Variants in PUM1 observed in about 807,000 individuals in gnomAD.
PUM1 encodes pumilio RNA binding family member 1, also known as pumilio homolog 1.
Under a neutral mutation model 131.8 loss-of-function variants are expected in PUM1, and 13 were observed. That is an observed-to-expected ratio of 0.10 (90% CI 0.06 to 0.16). The LOEUF (loss-of-function observed/expected upper bound fraction) is 0.16, where lower values mean the gene tolerates loss of function less well. Among genes scored for constraint, PUM1 ranks in the 10% least tolerant of loss-of-function variants. The pLI, the probability that PUM1 is intolerant of heterozygous loss-of-function variation, is 1.00. For synonymous variants in PUM1, 509 were observed against 556.5 expected, an observed-to-expected ratio of 0.91 and a Z score of 1.20; for missense variants, 961 against 1,512.4, an observed-to-expected ratio of 0.64 and a Z score of 6.05.
At chr1:30,949,012 A>C in intron 17 of PUM1, 2 of 445,096 alleles carry the variant, frequency 4.5e-6, no homozygotes, top group Non-Finnish European at 9.1e-6. Flanking sequence ...TTTGAAACTT[A>C]TCACTTTAAA....
chr1:30,992,689 C>A (rs774818778), intron 6 of PUM1, 29 bp from the exon 7 acceptor site: 1 of 1,589,288 alleles, frequency 6.3e-7, no homozygotes, highest in Non-Finnish European at 8.6e-7. Flanking sequence ...GGGCATTAAA[C>A]CTTATTTTCA....
At chr1:30,954,688 C>T (rs757918115) in intron 14 of PUM1, among the ~76,000 whole-genome samples, 28 of 152,288 alleles carry the variant, frequency 1.8e-4, no homozygotes, top group Non-Finnish European at 3.4e-4. Context: ...CTTCATGCCA[C>T]TGATAATGCT....
intron 3 of PUM1, among the ~76,000 whole-genome samples, chr1:31,010,021 T>C (rs1642550975): frequency 6.6e-6 from 1 of 152,096 alleles, no homozygotes; most frequent in African/African-American, 2.4e-5. Flanking sequence ...CGAGGCTATT[T>C]TCAGGGTAAA....
intron 8 of PUM1, among the ~76,000 whole-genome samples, chr1:30,980,705 C>A (rs572159643): frequency 6.6e-6 from 1 of 152,034 alleles, no homozygotes; most frequent in African/African-American, 2.4e-5. Flanking sequence ...CTCAATCATG[C>A]CATTTTGACA....
At chr1:30,946,111 A>C (rs965170190) in intron 17 of PUM1, among the ~76,000 whole-genome samples, 1 of 152,172 alleles carries the variant, frequency 6.6e-6, no homozygotes, top group Non-Finnish European at 1.5e-5. Context: ...AAAAAAATAA[A>C]GGGTAGACAT....
At chr1:31,060,683 C>T (rs1015691331) in intron 1 of PUM1, among the ~76,000 whole-genome samples, 1 of 151,908 alleles carries the variant, frequency 6.6e-6, no homozygotes, top group Non-Finnish European at 1.5e-5. Context: ...GTCAGGAGTT[C>T]GAGACCAGCC....
chr1:30,992,464 A>T lies in PUM1; in HGVS notation c.1084T>A (p.Tyr362Asn), dbSNP rs1641830310. Residue 362 changes from tyrosine to asparagine, a missense_variant, in exon 7 of 22, where the codon TAT (tyrosine) becomes AAT (asparagine). Coordinates refer to ENST00000426105, the MANE Select transcript of PUM1 (RefSeq NM_001020658.2). Reference protein sequence around the residue: ...HVGMEPLQFDYSGTQVPVDSA... With the variant: ...HVGMEPLQFDNSGTQVPVDSA... ...TCCACAGGTACCTGCGTGCCTGAAT[A>T]ATCAAACTGAAGAGGCTCCATGCCC... 1 of 1,614,074 alleles carries T rather than the reference A, an allele frequency of 6.2e-7. No individual in the cohort carries two copies. Among genetic ancestry groups the T allele is most frequent in the African/African-American group, 1.3e-5 (1 of 74,918 alleles).
At chr1:31,032,007 T>C (rs1356491768) in intron 2 of PUM1, among the ~76,000 whole-genome samples, 2 of 152,090 alleles carry the variant, frequency 1.3e-5, no homozygotes, top group African/African-American at 4.8e-5. Flanking sequence ...CCACACTCTT[T>C]CCCTATCCCT....
chr1:30,964,103 C>T (rs1351323420), intron 14 of PUM1, among the ~76,000 whole-genome samples: 7 of 152,046 alleles, frequency 4.6e-5, no homozygotes, highest in African/African-American at 7.3e-5. Context: ...ATTTTAAAAT[C>T]CCATGCATAA....
intron 12 of PUM1, 56 bp from the exon 13 acceptor site, chr1:30,966,334 A>C (rs1640619127): frequency 6.7e-7 from 1 of 1,493,452 alleles, no homozygotes. Context: ...ACATTTCCAA[A>C]CTACATTTTT....
At chr1:31,041,247 A>G (rs1273928268) in intron 2 of PUM1, among the ~76,000 whole-genome samples, 2 of 152,130 alleles carry the variant, frequency 1.3e-5, no homozygotes, top group Non-Finnish European at 2.9e-5. Context: ...GGCTTTTTAA[A>G]TATTTTTTAA....
intron 3 of PUM1, among the ~76,000 whole-genome samples, chr1:31,021,051 T>G (rs543116032): frequency 6.6e-6 from 1 of 152,328 alleles, no homozygotes; most frequent in African/African-American, 2.4e-5. Context: ...ATTTCCATGC[T>G]CCAACAGATG....
At chr1:31,056,254 C>T (rs1293240477) in intron 2 of PUM1, among the ~76,000 whole-genome samples, 1 of 152,062 alleles carries the variant, frequency 6.6e-6, no homozygotes, top group Non-Finnish European at 1.5e-5. Flanking sequence ...CTGTGCATAT[C>T]TTCATCCCAA....
At chr1:31,063,760 A>G (rs559145429) in intron 1 of PUM1, among the ~76,000 whole-genome samples, 2 of 152,362 alleles carry the variant, frequency 1.3e-5, no homozygotes, top group Admixed American at 1.3e-4. Flanking sequence ...AAACGAAACA[A>G]TTGGCTTTTG....
intron 2 of PUM1, among the ~76,000 whole-genome samples, chr1:31,047,396 G>T (rs1294482433): frequency 6.6e-6 from 1 of 152,158 alleles, no homozygotes; most frequent in African/African-American, 2.4e-5. Context: ...CTTCAGCACT[G>T]ACTTCTCTCC....
rs545782791 is a variant in PUM1 at position 31,019,985 on chromosome 1, T to A, written c.432+8811A>T. Among the ~76,000 whole-genome samples, 125 of 152,270 alleles carry A rather than the reference T, an allele frequency of 8.2e-4. 1 individual carries two copies. In the South Asian group the frequency reaches 0.021, roughly 26 times the overall value. On this transcript the variant is annotated intron_variant, in intron 3 of 21. Transcript: ENST00000426105. ...ATAATATATTGTGTGATGCTGAGAT[T>A]TGGGCTTCAACTGAACCTGTCACCC...
intron 2 of PUM1, among the ~76,000 whole-genome samples, chr1:31,042,327 T>C (rs79141215): frequency 9.2e-5 from 9 of 97,502 alleles, no homozygotes; most frequent in African/African-American, 3.5e-4. Context: ...AATAAATAAA[T>C]AAATAAATAA....
chr1:30,947,176 A>G (rs944327237), intron 17 of PUM1, among the ~76,000 whole-genome samples: 11 of 152,220 alleles, frequency 7.2e-5, no homozygotes, highest in African/African-American at 2.4e-4. Flanking sequence ...AAACCCAAGC[A>G]ATCTGGCTGA....
intron 2 of PUM1, among the ~76,000 whole-genome samples, chr1:31,031,563 T>C (rs552162701): frequency 1.3e-5 from 2 of 152,302 alleles, no homozygotes; most frequent in Admixed American, 6.5e-5. Context: ...AGGATCTTAA[T>C]CCAAGTCTTC....
Sources: gnomAD v4.1 joint callset for allele counts (sites outside exome capture counted in the v4.1 genomes callset) on GRCh38, gnomAD v4.1.1 for gene constraint, MANE v1.5 for transcripts, NCBI Gene and HGNC (gene_info 2026-07-23, HGNC 2026-07-21) for gene names.